KIF26B: variants seen among roughly 807,000 people sequenced by gnomAD.
KIF26B encodes the protein kinesin family member 26B.
KIF26B carries 63 observed loss-of-function variants against 151.2 expected under a neutral mutation model. That is an observed-to-expected ratio of 0.42 (90% CI 0.34 to 0.51). The LOEUF (loss-of-function observed/expected upper bound fraction) is 0.51, where lower values mean the gene tolerates loss of function less well. KIF26B is among the 20% of genes least tolerant of loss of function. The pLI, the probability that KIF26B is intolerant of heterozygous loss-of-function variation, is 0.07. For synonymous variants in KIF26B, 1,357 were observed against 1,262.1 expected, an observed-to-expected ratio of 1.08 and a Z score of -1.59; for missense variants, 2,813 against 2,913.6, an observed-to-expected ratio of 0.97 and a Z score of 0.79.
chr1:245,193,570 C>A (rs964050805), intron 2 of KIF26B, among the ~76,000 whole-genome samples: 2 of 152,044 alleles, frequency 1.3e-5, no homozygotes, highest in African/African-American at 4.8e-5. Flanking sequence ...TAATAGTCAT[C>A]ATGCGTTAAG....
chr1:245,431,876 C>T (rs555817361), intron 4 of KIF26B, among the ~76,000 whole-genome samples: 26 of 152,318 alleles, frequency 1.7e-4, no homozygotes, highest in African/African-American at 6.3e-4. Context: ...ACTTACAAGG[C>T]TCTGTGCACA....
chr1:245,198,891 G>A, intron 2 of KIF26B, among the ~76,000 whole-genome samples: 1 of 149,876 alleles, frequency 6.7e-6, no homozygotes, highest in East Asian at 2.0e-4. Flanking sequence ...AGACCGGGGG[G>A]TCAGGAAGGC....
At chr1:245,434,845 T>C (rs779628339) in intron 4 of KIF26B, among the ~76,000 whole-genome samples, 7 of 152,104 alleles carry the variant, frequency 4.6e-5, no homozygotes, top group Non-Finnish European at 8.8e-5. Flanking sequence ...CCTTCCCTTC[T>C]CCCTTCCTCA....
At chr1:245,479,382 T>C (rs1660112579) in intron 4 of KIF26B, among the ~76,000 whole-genome samples, 1 of 151,894 alleles carries the variant, frequency 6.6e-6, no homozygotes. Context: ...AGGGTATATC[T>C]ACAGAAGCCA....
At chr1:245,185,256 A>G (rs1668979635) in intron 2 of KIF26B, among the ~76,000 whole-genome samples, 1 of 151,600 alleles carries the variant, frequency 6.6e-6, no homozygotes, top group African/African-American at 2.4e-5. Context: ...CTCCTGCCTC[A>G]GCCTCCCGGG....
chr1:245,433,123 G>T (rs778025432), intron 4 of KIF26B, among the ~76,000 whole-genome samples: 1 of 152,148 alleles, frequency 6.6e-6, no homozygotes, highest in Non-Finnish European at 1.5e-5. Flanking sequence ...AATCAACCAT[G>T]CTTGAAAACT....
intron 4 of KIF26B, among the ~76,000 whole-genome samples, chr1:245,529,815 G>A (rs937066971): frequency 5.9e-5 from 9 of 152,096 alleles, no homozygotes; most frequent in African/African-American, 1.9e-4. Context: ...AAGCAAAAAC[G>A]GACAAATGGG....
chr1:245,316,278 T>G (rs1394952432), intron 2 of KIF26B, among the ~76,000 whole-genome samples: 1 of 152,004 alleles, frequency 6.6e-6, no homozygotes, highest in Non-Finnish European at 1.5e-5. Flanking sequence ...CCCGCCACCA[T>G]GCCTGGCTAA....
In KIF26B at chr1:245,488,082, C is replaced by T. The variant is rs2103072488; in HGVS notation, c.1167-52685C>T. On this transcript the variant is annotated intron_variant, in intron 4 of 14. Coordinates refer to ENST00000407071, the MANE Select transcript of KIF26B (RefSeq NM_018012.4). The surrounding 1 kb of genome is among the most constrained non-coding windows in gnomAD (Gnocchi z 4.6). ...GGATTACAGGCATGAGCTGCCACGC[C>T]CGGCCATGTATCTTTTTAAGTACAG... Among the ~76,000 whole-genome samples, 1 of 152,214 alleles carries T rather than the reference C, an allele frequency of 6.6e-6. No individual in the cohort carries two copies. The highest frequency in any genetic ancestry group is 2.4e-5 in the African/African-American group (1 of 41,536).
intron 9 of KIF26B, among the ~76,000 whole-genome samples, chr1:245,616,624 T>A (rs971958530): frequency 2.9e-4 from 44 of 152,184 alleles, no homozygotes; most frequent in African/African-American, 9.4e-4. Flanking sequence ...CTTCAATAAT[T>A]TTGTGCATGA....
chr1:245,343,554 A>G (rs1248731403), intron 2 of KIF26B, among the ~76,000 whole-genome samples: 1 of 152,272 alleles, frequency 6.6e-6, no homozygotes, highest in South Asian at 2.1e-4. Flanking sequence ...TAGCTTTTAC[A>G]TTTTTGGCAG....
At chr1:245,491,499 C>A (rs1006324926) in intron 4 of KIF26B, among the ~76,000 whole-genome samples, 20 of 152,156 alleles carry the variant, frequency 1.3e-4, no homozygotes, top group Non-Finnish European at 2.6e-4. Flanking sequence ...TGGCCTGGAT[C>A]ATAAAGTAAA....
rs1322513155 is a variant in KIF26B, at chr1:245,218,613, G to GA, written c.465+61931dup. Among the ~76,000 whole-genome samples the GA allele has an allele frequency of 1.3e-5, 2 of 152,164 alleles. No homozygotes were observed. Among genetic ancestry groups the GA allele is most frequent in the African/African-American group, 4.8e-5 (2 of 41,432 alleles). ...CATTTCTAGCCCAGGGTGACCCCAG[G>GA]AGCTCTGCAGTGTGCCGCATGGAAT... On this transcript the variant is annotated intron_variant, in intron 2 of 14. Coordinates refer to ENST00000407071, the MANE Select transcript of KIF26B (RefSeq NM_018012.4). The surrounding 1 kb of genome is among the most constrained non-coding windows in gnomAD (Gnocchi z 4.1).
At position 245,551,412 on chromosome 1, in the gene KIF26B, T is replaced by A. The variant is rs77449885; in HGVS notation, c.1350+10462T>A. Among the ~76,000 whole-genome samples, 506 of 152,334 alleles carry A rather than the reference T, an allele frequency of 3.3e-3. 6 individuals are homozygous for A. Among genetic ancestry groups the A allele is most frequent in the Middle Eastern group, 0.014 (4 of 294 alleles). ...AAGATTTTCAGTGAAGGACAATGTT[T>A]TGAAAATCCAATCAGTAAGATACTC... On this transcript the variant is annotated intron_variant, in intron 5 of 14. Transcript: ENST00000407071.
chr1:245,252,774 T>C (rs66518687), intron 2 of KIF26B, among the ~76,000 whole-genome samples: 27,214 of 152,026 alleles, frequency 0.18, 2,683 homozygotes, highest in African/African-American at 0.24. Context: ...TCTAGAACCA[T>C]GTTGAATAGA....
At position 245,563,368 on chromosome 1, in the gene KIF26B, T is replaced by C. The variant is rs547140007; in HGVS notation, c.1350+22418T>C. Among the ~76,000 whole-genome samples the C allele has an allele frequency of 1.3e-5, 2 of 152,370 alleles. No homozygotes were observed. The highest frequency in any genetic ancestry group is 2.1e-4 in the South Asian group (1 of 4,826). ...GTCTTTGCCTTCTTTCAAGGGTTAA[T>C]GTTTCCAAGTGGGTTCTATCTTCTC... On this transcript the variant is annotated intron_variant, in intron 5 of 14. Transcript: ENST00000407071. This position sits in a 1 kb window ranked among gnomAD's most constrained non-coding sequence, Gnocchi z 4.6.
intron 4 of KIF26B, among the ~76,000 whole-genome samples, chr1:245,530,165 C>CA (rs1046878616): frequency 9.9e-5 from 15 of 152,048 alleles, no homozygotes; most frequent in African/African-American, 3.4e-4. Context: ...GGCTTTTATC[C>CA]AAAAATCAGG....
At chr1:245,298,899 G>A (rs973261344) in intron 2 of KIF26B, among the ~76,000 whole-genome samples, 1 of 152,198 alleles carries the variant, frequency 6.6e-6, no homozygotes, top group South Asian at 2.1e-4. Context: ...GGAAACACTG[G>A]ACCAGGATCT....
intron 2 of KIF26B, among the ~76,000 whole-genome samples, chr1:245,307,566 A>C (rs965713637): frequency 1.3e-5 from 2 of 152,236 alleles, no homozygotes; most frequent in Non-Finnish European, 2.9e-5. Context: ...TATAACAAAC[A>C]AACCACCGCC....
Sources: gnomAD v4.1 joint callset for allele counts (sites outside exome capture counted in the v4.1 genomes callset) on GRCh38, gnomAD v4.1.1 for gene constraint, Gnocchi (gnomAD v3.1) non-coding constraint, MANE v1.5 for transcripts, NCBI Gene and HGNC (gene_info 2026-07-23, HGNC 2026-07-21) for gene names.